Variants in DYNC1I1 observed in about 807,000 individuals in gnomAD.
DYNC1I1 encodes the protein dynein cytoplasmic 1 intermediate chain 1, also known as cytoplasmic dynein 1 intermediate chain 1.
DYNC1I1 carries 43 observed loss-of-function variants against 86.6 expected under a neutral mutation model. That is an observed-to-expected ratio of 0.50 (90% CI 0.39 to 0.64). The LOEUF (loss-of-function observed/expected upper bound fraction) is 0.64. Ranked by LOEUF, DYNC1I1 falls within the 30% of genes least tolerant of loss-of-function variation. The probability of loss-of-function intolerance (pLI) is 0.00; values close to 1 mark genes in which losing one functional copy is unlikely to be tolerated. For missense variants in DYNC1I1, 604 were observed against 788.8 expected, an observed-to-expected ratio of 0.77 and a Z score of 2.81; for synonymous variants, 262 against 283.7, an observed-to-expected ratio of 0.92 and a Z score of 0.77.
intron 14 of DYNC1I1, among the ~76,000 whole-genome samples, chr7:96,043,123 C>G (rs551500073): frequency 6.8e-6 from 1 of 147,344 alleles, no homozygotes; most frequent in Non-Finnish European, 1.5e-5. Flanking sequence ...GAACCGAGAT[C>G]GTGCCACTGC....
intron 16 of DYNC1I1, among the ~76,000 whole-genome samples, chr7:96,093,661 G>C (rs762704966): frequency 3.3e-5 from 5 of 152,140 alleles, no homozygotes; most frequent in African/African-American, 4.8e-5. Context: ...GAATATCTGA[G>C]TCATCCCTAA....
chr7:95,992,128 G>A (rs1793745861), intron 9 of DYNC1I1, among the ~76,000 whole-genome samples: 1 of 152,112 alleles, frequency 6.6e-6, no homozygotes, highest in African/African-American at 2.4e-5. Flanking sequence ...CCAAAGTGCT[G>A]GGATTACAGG....
At chr7:96,008,217 G>C (rs547077856) in intron 10 of DYNC1I1, among the ~76,000 whole-genome samples, 1 of 152,208 alleles carries the variant, frequency 6.6e-6, no homozygotes, top group Admixed American at 6.5e-5. Flanking sequence ...TGCCTGTTCT[G>C]AATTAATCCT....
At chr7:95,966,724 A>G (rs569578886) in intron 6 of DYNC1I1, among the ~76,000 whole-genome samples, 137 of 152,206 alleles carry the variant, frequency 9.0e-4, no homozygotes, top group Non-Finnish European at 1.7e-3. Context: ...ATAGACTGAT[A>G]GACATGAAGG....
intron 14 of DYNC1I1, among the ~76,000 whole-genome samples, chr7:96,061,874 G>T (rs1789790621): frequency 6.6e-6 from 1 of 152,140 alleles, no homozygotes; most frequent in Admixed American, 6.5e-5. Context: ...AATTGCAAAT[G>T]TGGACCATTT....
intron 1 of DYNC1I1, among the ~76,000 whole-genome samples, chr7:95,786,208 C>G (rs1020609753): frequency 3.7e-4 from 57 of 152,046 alleles, no homozygotes; most frequent in African/African-American, 1.3e-3. Flanking sequence ...AACTTGTTCC[C>G]CATTGCGCCC....
intron 13 of DYNC1I1, among the ~76,000 whole-genome samples, chr7:96,038,208 G>A (rs1788926239): frequency 6.6e-6 from 1 of 152,160 alleles, no homozygotes; most frequent in African/African-American, 2.4e-5. Flanking sequence ...TAAGCACATT[G>A]ACATTTATTG....
At chr7:96,036,333 A>G (rs1402095480) in intron 13 of DYNC1I1, among the ~76,000 whole-genome samples, 2 of 152,158 alleles carry the variant, frequency 1.3e-5, no homozygotes, top group African/African-American at 4.8e-5. Context: ...GGCATCATCA[A>G]AAGGATACAT....
At chr7:95,825,289 A>G (rs1795180863) in intron 4 of DYNC1I1, among the ~76,000 whole-genome samples, 1 of 152,228 alleles carries the variant, frequency 6.6e-6, no homozygotes, top group Non-Finnish European at 1.5e-5. Context: ...TAAGTATCAG[A>G]AGAGCCAGAC....
intron 5 of DYNC1I1, among the ~76,000 whole-genome samples, chr7:95,836,729 T>C (rs1487932968): frequency 1.3e-5 from 2 of 152,144 alleles, no homozygotes; most frequent in African/African-American, 4.8e-5. Flanking sequence ...CATCTTCCAT[T>C]GCTGATACCC....
At chr7:95,912,298 A>G (rs1310355779) in intron 6 of DYNC1I1, among the ~76,000 whole-genome samples, 3 of 152,182 alleles carry the variant, frequency 2.0e-5, no homozygotes, top group Admixed American at 2.0e-4. Context: ...TGGCCTCCCA[A>G]AGTGCTGGGA....
chr7:95,882,827 A>AT (rs1382503765), intron 6 of DYNC1I1, among the ~76,000 whole-genome samples: 1 of 152,172 alleles, frequency 6.6e-6, no homozygotes, highest in Non-Finnish European at 1.5e-5. Context: ...TATTTAGGTA[A>AT]TCCTTGGCTT....
At chr7:95,827,791 T>G (rs547758347) in intron 4 of DYNC1I1, among the ~76,000 whole-genome samples, 3 of 152,210 alleles carry the variant, frequency 2.0e-5, no homozygotes. Flanking sequence ...GGTAGGGGTG[T>G]GTGTGGAGTT....
At position 95,876,377 on chromosome 7, in the gene DYNC1I1, T is replaced by C. The variant is rs542571286; in HGVS notation, c.490+6379T>C. Among the ~76,000 whole-genome samples the C allele has an allele frequency of 7.9e-5, 12 of 152,338 alleles. No individual in the cohort carries two copies. The East Asian group carries it at 1.7e-3, about 22-fold the overall frequency. ...GTGATCTTGGTAGTTATTGATATTT[T>C]AAATGGTAAGGAAAAAAACTGGAAT... On this transcript the variant is annotated intron_variant, in intron 6 of 16. Transcript: ENST00000447467.
At chr7:96,076,284 G>T in intron 15 of DYNC1I1, 87 bp downstream of exon 15, 1 of 1,531,744 alleles carries the variant, frequency 6.5e-7, no homozygotes, top group Non-Finnish European at 8.8e-7. Context: ...TCTCCAAAAC[G>T]GCCTTTTTTG....
At chr7:96,096,588 G>C (rs1363326311) in intron 16 of DYNC1I1, among the ~76,000 whole-genome samples, 3 of 152,118 alleles carry the variant, frequency 2.0e-5, no homozygotes, top group African/African-American at 7.2e-5. Context: ...TGGATGCTAT[G>C]TGGAGAAATC....
rs552744862 is a variant in DYNC1I1 at position 95,811,517 on chromosome 7, A to T, written c.223+1011A>T. 3.3e-5 allele frequency among the ~76,000 whole-genome samples: 5 copies of T among 152,226 alleles called. No individual in the cohort carries two copies. In the East Asian group the frequency reaches 9.6e-4, roughly 29 times the overall value. Reference sequence around the variant, plus strand: ...GCAAATGTTTATATCAATGTGAATAAGAAAAAGAACAATATATAATAAGCT... The same window carrying T: ...GCAAATGTTTATATCAATGTGAATATGAAAAAGAACAATATATAATAAGCT... On this transcript the variant is annotated intron_variant, in intron 3 of 16. Coordinates refer to ENST00000447467, the MANE Select transcript of DYNC1I1 (RefSeq NM_001135556.2).
intron 16 of DYNC1I1, among the ~76,000 whole-genome samples, chr7:96,088,953 C>A (rs1790762033): frequency 6.6e-6 from 1 of 152,102 alleles, no homozygotes; most frequent in African/African-American, 2.4e-5. Context: ...AAAGCAATTT[C>A]ATACTTTTAA....
chr7:95,942,198 C>T (rs1634042), intron 6 of DYNC1I1, among the ~76,000 whole-genome samples: 97,676 of 151,500 alleles, frequency 0.64, 33,050 homozygotes, highest in East Asian at 0.86. Context: ...ATATCACCAC[C>T]GATCCCACAG....
Sources: allele counts gnomAD v4.1 joint callset (sites outside exome capture counted in the v4.1 genomes callset), GRCh38; gene constraint gnomAD v4.1.1; transcripts MANE v1.5; gene names NCBI Gene and HGNC (gene_info 2026-07-23, HGNC 2026-07-21).